GTF2H5: variants seen among roughly 807,000 people sequenced by gnomAD.
The protein encoded by GTF2H5 is general transcription factor IIH subunit 5.
In GTF2H5, 5 loss-of-function variants were observed where a neutral mutation model predicts 7.1. The observed-to-expected ratio is 0.71, with a 90% confidence interval of 0.37 to 1.49. GTF2H5 has a LOEUF of 1.49. GTF2H5 is among the 40% of genes most tolerant of loss of function. The pLI is 0.03. For synonymous variants in GTF2H5, 30 were observed against 31.7 expected, an observed-to-expected ratio of 0.95 and a Z score of 0.18; for missense variants, 80 against 83.0, an observed-to-expected ratio of 0.96 and a Z score of 0.14.
rs1184939269 is a variant in GTF2H5, at chr6:158,169,506, A to G, written c.-34-964A>G. Among the ~76,000 whole-genome samples the G allele has an allele frequency of 5.2e-4, 44 of 84,068 alleles. 3 individuals carry two copies. Among genetic ancestry groups the G allele is most frequent in the African/African-American group, 1.9e-3 (40 of 20,634 alleles). The allele number at this position is 84,068 out of a possible 152,430, so 55.2% of individuals were successfully genotyped here. A position where few individuals can be genotyped will look rare whatever the true frequency, so the allele number is the denominator to read the frequency against. On this transcript the variant is annotated intron_variant, in intron 1 of 2. Coordinates refer to ENST00000607778, the MANE Select transcript of GTF2H5 (RefSeq NM_207118.3). ...TAATATATTGTATATTATATAATATATTGTATATTATATATAATATACAGT... is the reference window on the plus strand; with the variant it reads ...TAATATATTGTATATTATATAATATGTTGTATATTATATATAATATACAGT...
intron 1 of GTF2H5, among the ~76,000 whole-genome samples, chr6:158,170,090 A>G (rs1225336633): frequency 6.6e-6 from 1 of 151,994 alleles, no homozygotes; most frequent in Non-Finnish European, 1.5e-5. Context: ...ACCTTTCAGA[A>G]CTATCTTCTT....
At chr6:158,175,044 G>GTGTATATGTGTGTGTGTGTGTGTA in intron 2 of GTF2H5, among the ~76,000 whole-genome samples, 2 of 142,788 alleles carry the variant, frequency 1.4e-5, no homozygotes, top group African/African-American at 5.3e-5. Flanking sequence ...GTGTGTGTGT[G>GTGTATATGTGTGTGTGTGTGTGTA]TATACACACA....
chr6:158,169,413 A>G (rs796348714), intron 1 of GTF2H5, among the ~76,000 whole-genome samples: 1 of 93,374 alleles, frequency 1.1e-5, no homozygotes, highest in Non-Finnish European at 1.9e-5. Flanking sequence ...TGTATATTAT[A>G]TATTATATAT....
intron 2 of GTF2H5, among the ~76,000 whole-genome samples, chr6:158,183,789 C>T (rs989347971): frequency 6.6e-6 from 1 of 152,128 alleles, no homozygotes; most frequent in African/African-American, 2.4e-5. Context: ...GTGTATTGCT[C>T]CTCCAGGTAT....
chr6:158,172,961 C>G (rs1057119995), intron 2 of GTF2H5, among the ~76,000 whole-genome samples: 1 of 152,156 alleles, frequency 6.6e-6, no homozygotes, highest in African/African-American at 2.4e-5. Context: ...TGAATTCTAC[C>G]TGGTCTCTCT....
chr6:158,172,183 G>T (rs1433327655), intron 2 of GTF2H5, among the ~76,000 whole-genome samples: 1 of 151,608 alleles, frequency 6.6e-6, no homozygotes, highest in Non-Finnish European at 1.5e-5. Context: ...TTATTGGGAG[G>T]AGTGGCATAG....
At position 158,169,413 on chromosome 6, in the gene GTF2H5, A is replaced by C. The variant is rs796348714; in HGVS notation, c.-35+1018A>C. 2.1e-5 allele frequency among the ~76,000 whole-genome samples: 2 copies of C among 93,372 alleles called. 1 individual carries two copies. The highest frequency in any genetic ancestry group is 5.4e-4 in the South Asian group (2 of 3,674). The allele number at this position is 93,372 out of a possible 152,430, so 61.3% of individuals were successfully genotyped here. A position where few individuals can be genotyped will look rare whatever the true frequency, so the allele number is the denominator to read the frequency against. On this transcript the variant is annotated intron_variant, in intron 1 of 2. Coordinates refer to ENST00000607778, the MANE Select transcript of GTF2H5 (RefSeq NM_207118.3). Reference sequence around the variant, plus strand: ...TATATAATATTATATTGTATATTATATATTATATATAATATATTGTATATT... The same window carrying C: ...TATATAATATTATATTGTATATTATCTATTATATATAATATATTGTATATT...
chr6:158,180,407 C>G (rs925839341), intron 2 of GTF2H5, among the ~76,000 whole-genome samples: 1 of 152,190 alleles, frequency 6.6e-6, no homozygotes, highest in African/African-American at 2.4e-5. Flanking sequence ...GGAGGATTCC[C>G]TCTTTTTCTG....
In GTF2H5 at chr6:158,183,916, C is replaced by T. The variant is rs1236193230; in HGVS notation, c.36-8061C>T. 3.9e-5 allele frequency among the ~76,000 whole-genome samples: 6 copies of T among 152,338 alleles called. No individual in the cohort carries two copies. In the East Asian group the frequency reaches 1.2e-3, roughly 29 times the overall value. On this transcript the variant is annotated intron_variant, in intron 2 of 2. Coordinates refer to ENST00000607778, the MANE Select transcript of GTF2H5 (RefSeq NM_207118.3). ...GCCCTCCATGGGCTGCACCCACTGT[C>T]CAACCAGTCCCAATGAGATGAACCA...
At chr6:158,189,086 T>G (rs1303512552) in intron 2 of GTF2H5, among the ~76,000 whole-genome samples, 1 of 152,124 alleles carries the variant, frequency 6.6e-6, no homozygotes, top group Non-Finnish European at 1.5e-5. Context: ...CCTTTTTTGC[T>G]GTGACAAAAC....
intron 2 of GTF2H5, among the ~76,000 whole-genome samples, chr6:158,173,721 G>A (rs886519015): frequency 1.4e-5 from 2 of 140,968 alleles, no homozygotes; most frequent in African/African-American, 5.1e-5. Flanking sequence ...TCAAGAATGA[G>A]CCACAGAGTA....
chr6:158,169,793 T>TATATAATATATTGTATATTATATATA (rs1289546963), intron 1 of GTF2H5, among the ~76,000 whole-genome samples: 2 of 52,050 alleles, frequency 3.8e-5, no homozygotes, highest in Non-Finnish European at 7.4e-5. Flanking sequence ...TATTATATAT[T>TATATAATATATTGTATATTATATATA]ATATATTGTA....
At chr6:158,173,689 T>G (rs1243495864) in intron 2 of GTF2H5, among the ~76,000 whole-genome samples, 1 of 152,092 alleles carries the variant, frequency 6.6e-6, no homozygotes, top group Non-Finnish European at 1.5e-5. Context: ...AAGTTGGTTT[T>G]TGGCTTCATG....
In GTF2H5 at chr6:158,194,439, T is replaced by A. The variant is rs1562477868; in HGVS notation, c.*2282T>A. The A allele has an allele frequency of 6.6e-6, 1 of 152,098 alleles. No homozygotes were observed. The highest frequency in any genetic ancestry group is 6.5e-5 in the Admixed American group (1 of 15,268). The allele number at this position is 152,098 out of a possible 1,614,324, so 9.4% of individuals were successfully genotyped here. A position where few individuals can be genotyped will look rare whatever the true frequency, so the allele number is the denominator to read the frequency against. The stretch of plus-strand genomic sequence containing the variant: ...ACAGAAGTAAAAACATGCAAAAAAT[T>A]AAAAAGACAAATGGTTACAGAGAAA... On this transcript the variant is annotated 3_prime_UTR_variant, in exon 3 of 3. Transcript: ENST00000607778.
intron 2 of GTF2H5, among the ~76,000 whole-genome samples, chr6:158,177,271 A>G (rs985699126): frequency 3.3e-5 from 5 of 152,272 alleles, no homozygotes; most frequent in African/African-American, 1.2e-4. Context: ...TCTGTAGTCC[A>G]TCAACTTTGC....
chr6:158,174,158 C>T (rs1178826254), intron 2 of GTF2H5, among the ~76,000 whole-genome samples: 8 of 152,172 alleles, frequency 5.3e-5, no homozygotes, highest in Non-Finnish European at 1.2e-4. Context: ...GTCTTGGAAA[C>T]TAGTCCTGCT....
intron 2 of GTF2H5, among the ~76,000 whole-genome samples, chr6:158,178,248 A>C (rs1438585597): frequency 6.6e-6 from 1 of 152,032 alleles, no homozygotes; most frequent in African/African-American, 2.4e-5. Context: ...GCACTTTGGG[A>C]GGCCAAGACA....
intron 2 of GTF2H5, 63 bp from the exon 3 acceptor site, chr6:158,191,914 C>T (rs992061751): frequency 3.1e-6 from 4 of 1,297,774 alleles, no homozygotes; most frequent in East Asian, 4.6e-5. Context: ...CATTTAATTG[C>T]TCAAGTCTCT....
At chr6:158,185,942 C>T (rs1331960088) in intron 2 of GTF2H5, among the ~76,000 whole-genome samples, 7 of 152,024 alleles carry the variant, frequency 4.6e-5, no homozygotes, top group South Asian at 2.1e-4. Context: ...TGCAGTGAGC[C>T]GTGATGACGC....
Sources: gnomAD v4.1 joint callset for allele counts (sites outside exome capture counted in the v4.1 genomes callset) on GRCh38, gnomAD v4.1.1 for gene constraint, MANE v1.5 for transcripts, NCBI Gene and HGNC (gene_info 2026-07-23, HGNC 2026-07-21) for gene names.